The following RANBP2 variants were observed in gnomAD, a reference collection of about 807,000 sequenced individuals.
The protein encoded by RANBP2 is RAN binding protein 2.
In RANBP2, 57 loss-of-function variants were observed where a neutral mutation model predicts 303.6. The ratio of observed to expected loss-of-function variants is 0.19; its 90% confidence interval spans 0.15 to 0.23. RANBP2 has a LOEUF of 0.23. Ranked by LOEUF, RANBP2 falls within the 10% of genes least tolerant of loss-of-function variation. The probability of loss-of-function intolerance (pLI) is 1.00; values close to 1 mark genes in which losing one functional copy is unlikely to be tolerated. For synonymous variants in RANBP2, 1,167 were observed against 1,301.5 expected, an observed-to-expected ratio of 0.90 and a Z score of 2.23; for missense variants, 3,138 against 3,780.8, an observed-to-expected ratio of 0.83 and a Z score of 4.46.
the RANBP2 span, among the ~76,000 whole-genome samples, chr2:108,991,845 C>G: frequency 6.6e-6 from 1 of 152,194 alleles, no homozygotes; most frequent in South Asian, 2.1e-4. Flanking sequence ...CTTGCTCTCT[C>G]GCCCAGACTG....
At chr2:108,793,418 T>C in the RANBP2 span, among the ~76,000 whole-genome samples, 1 of 152,066 alleles carries the variant, frequency 6.6e-6, no homozygotes, top group South Asian at 2.1e-4. Flanking sequence ...ATTCTGACAG[T>C]ATAGTGCTGG....
the RANBP2 span, among the ~76,000 whole-genome samples, chr2:109,659,746 G>T: frequency 6.6e-6 from 1 of 152,248 alleles, no homozygotes; most frequent in African/African-American, 2.4e-5. Context: ...GGGGCCGGGA[G>T]CCCTGAATGA....
At chr2:109,540,798 C>CAAAA in the RANBP2 span, among the ~76,000 whole-genome samples, 2,910 of 131,138 alleles carry the variant, frequency 0.022, 149 homozygotes, top group East Asian at 0.12. Flanking sequence ...AAGACCCTGT[C>CAAAA]AAAAAAAAAA....
the RANBP2 span, among the ~76,000 whole-genome samples, chr2:109,122,878 C>T: frequency 1.3e-5 from 2 of 152,100 alleles, no homozygotes; most frequent in East Asian, 1.9e-4. Context: ...TTCTTTCACA[C>T]CCACACCCAC....
At chr2:108,740,448 C>T (rs1008868566) in intron 6 of RANBP2, 41 bp from the exon 7 acceptor site, 1 of 1,596,712 alleles carries the variant, frequency 6.3e-7, no homozygotes, top group Non-Finnish European at 8.5e-7. Flanking sequence ...ATTCACAGTG[C>T]AGTAAGTGTG....
At chr2:108,773,660 TG>T (rs869057589) in intron 23 of RANBP2, among the ~76,000 whole-genome samples, 10 of 149,610 alleles carry the variant, frequency 6.7e-5, no homozygotes, top group African/African-American at 7.5e-5. Context: ...TTTTTTTTTT[TG>T]GGGGGGGATG....
the RANBP2 span, among the ~76,000 whole-genome samples, chr2:109,609,750 AG>A: frequency 6.6e-6 from 1 of 152,194 alleles, no homozygotes; most frequent in Non-Finnish European, 1.5e-5. Flanking sequence ...TGAGAAAAAA[AG>A]TTCAGAAGCA....
At chr2:108,989,815 T>TGG in the RANBP2 span, among the ~76,000 whole-genome samples, 2,759 of 150,952 alleles carry the variant, frequency 0.018, 39 homozygotes, top group African/African-American at 0.028. Flanking sequence ...AGTAAATGAT[T>TGG]GGGGGGGGGA....
At chr2:109,600,014 T>C in the RANBP2 span, among the ~76,000 whole-genome samples, 4 of 152,148 alleles carry the variant, frequency 2.6e-5, no homozygotes, top group African/African-American at 9.7e-5. Context: ...CCTACAAAGA[T>C]TGCAGCTTGC....
the RANBP2 span, among the ~76,000 whole-genome samples, chr2:109,308,617 G>T: frequency 1.5e-4 from 8 of 52,870 alleles, 2 homozygotes; most frequent in African/African-American, 3.6e-4. Context: ...GTAAGGAAGG[G>T]ATCCAGTTTC....
the RANBP2 span, among the ~76,000 whole-genome samples, chr2:109,146,885 T>TCCC: frequency 5.6e-4 from 8 of 14,402 alleles, no homozygotes; most frequent in African/African-American, 9.5e-4. Context: ...CTTTTTTCCC[T>TCCC]CCCCCCCCCC....
At chr2:108,944,314 A>G in the RANBP2 span, among the ~76,000 whole-genome samples, 1 of 152,154 alleles carries the variant, frequency 6.6e-6, no homozygotes, top group Non-Finnish European at 1.5e-5. Context: ...GGGTTTCACC[A>G]TGTTGGCGGG....
At chr2:109,028,328 G>C in the RANBP2 span, among the ~76,000 whole-genome samples, 1 of 152,106 alleles carries the variant, frequency 6.6e-6, no homozygotes, top group African/African-American at 2.4e-5. Flanking sequence ...AACCATAATT[G>C]ACACCTGAGC....
At chr2:109,203,813 G>C in the RANBP2 span, among the ~76,000 whole-genome samples, 2 of 115,232 alleles carry the variant, frequency 1.7e-5, no homozygotes, top group African/African-American at 7.5e-5. Flanking sequence ...TGCACGCCTC[G>C]ACTCTGAAGC....
At chr2:109,147,018 T>C in the RANBP2 span, among the ~76,000 whole-genome samples, 2 of 151,704 alleles carry the variant, frequency 1.3e-5, no homozygotes, top group African/African-American at 4.8e-5. Context: ...TGATGATGTC[T>C]CAGGCTTTCT....
the RANBP2 span, among the ~76,000 whole-genome samples, chr2:109,550,121 T>A: frequency 1.3e-5 from 2 of 151,658 alleles, no homozygotes; most frequent in African/African-American, 4.8e-5. Context: ...AGAAACCCCA[T>A]CTCTACTAAA....
the RANBP2 span, among the ~76,000 whole-genome samples, chr2:109,031,811 AC>A: frequency 1.0e-4 from 15 of 150,096 alleles, no homozygotes; most frequent in Non-Finnish European, 1.9e-4. Context: ...AGCGAAGAGA[AC>A]CCTCCTTCCT....
At chr2:109,209,563 C>T in the RANBP2 span, among the ~76,000 whole-genome samples, 1 of 152,144 alleles carries the variant, frequency 6.6e-6, no homozygotes, top group Non-Finnish European at 1.5e-5. Context: ...TCCTAGCTCT[C>T]ATGGGGAAGA....
chr2:109,225,915 T>C, the RANBP2 span, among the ~76,000 whole-genome samples: 1 of 152,176 alleles, frequency 6.6e-6, no homozygotes, highest in Non-Finnish European at 1.5e-5. Context: ...ATAGTCGCTT[T>C]CCACCATGCC....
Sources: allele counts gnomAD v4.1 joint callset (sites outside exome capture counted in the v4.1 genomes callset), GRCh38; gene constraint gnomAD v4.1.1; transcripts MANE v1.5; gene names NCBI Gene and HGNC (gene_info 2026-07-23, HGNC 2026-07-21).